The following PTCHD4 variants were observed in gnomAD, a reference collection of about 807,000 sequenced individuals.
PTCHD4 encodes the protein patched domain-containing protein 4.
PTCHD4 carries 33 observed loss-of-function variants against 58.1 expected under a neutral mutation model. That is an observed-to-expected ratio of 0.57 (90% CI 0.43 to 0.76). PTCHD4 has a LOEUF of 0.76. PTCHD4 is among the 30% of genes least tolerant of loss of function. PTCHD4 has a pLI of 0.00. For synonymous variants in PTCHD4, 478 were observed against 409.6 expected, an observed-to-expected ratio of 1.17 and a Z score of -2.02; for missense variants, 1,058 against 1,027.1, an observed-to-expected ratio of 1.03 and a Z score of -0.41.
chr6:48,058,543 G>T (rs1005996960), intron 3 of PTCHD4, among the ~76,000 whole-genome samples: 2 of 152,082 alleles, frequency 1.3e-5, no homozygotes, highest in Admixed American at 6.6e-5. Context: ...AATATTAAGA[G>T]AATGGATTCT....
At chr6:48,051,942 C>T (rs1219980035) in intron 3 of PTCHD4, among the ~76,000 whole-genome samples, 9 of 151,864 alleles carry the variant, frequency 5.9e-5, no homozygotes, top group Non-Finnish European at 1.3e-4. Context: ...TCAAGTTACC[C>T]GACTGTGCTG....
intron 3 of PTCHD4, among the ~76,000 whole-genome samples, chr6:48,058,127 T>C (rs1441163808): frequency 1.3e-5 from 2 of 152,260 alleles, no homozygotes; most frequent in South Asian, 2.1e-4. Context: ...TGAATCTCTC[T>C]AGATGGGATC....
chr6:47,981,762 T>C (rs1287429604), intron 4 of PTCHD4, among the ~76,000 whole-genome samples: 1 of 152,170 alleles, frequency 6.6e-6, no homozygotes, highest in Non-Finnish European at 1.5e-5. Context: ...CTCTATTCTG[T>C]GCATCTTCTC....
intron 1 of PTCHD4, among the ~76,000 whole-genome samples, chr6:48,096,790 T>G (rs1188547516): frequency 7.2e-5 from 11 of 152,106 alleles, no homozygotes; most frequent in East Asian, 1.9e-4. Context: ...AGAATTCTTT[T>G]GCATTGAAGT....
At chr6:48,088,964 G>A (rs1332230669) in intron 1 of PTCHD4, among the ~76,000 whole-genome samples, 2 of 152,114 alleles carry the variant, frequency 1.3e-5, no homozygotes, top group African/African-American at 2.4e-5. Flanking sequence ...AGAATCGCTT[G>A]AACCCAGGAG....
At chr6:48,020,960 G>A (rs902727157) in intron 3 of PTCHD4, among the ~76,000 whole-genome samples, 2 of 151,950 alleles carry the variant, frequency 1.3e-5, no homozygotes, top group African/African-American at 2.4e-5. Flanking sequence ...ATTTCACTTA[G>A]GCAATGGGAG....
At chr6:47,905,079 A>ACACACACACT (rs1163514067) in intron 4 of PTCHD4, among the ~76,000 whole-genome samples, 9 of 151,888 alleles carry the variant, frequency 5.9e-5, no homozygotes, top group Non-Finnish European at 1.3e-4. Context: ...ACACACACAC[A>ACACACACACT]CACACATAAA....
At chr6:47,955,317 T>C (rs1302231226) in intron 4 of PTCHD4, among the ~76,000 whole-genome samples, 3 of 152,182 alleles carry the variant, frequency 2.0e-5, no homozygotes, top group African/African-American at 7.2e-5. Flanking sequence ...GGAGATATCT[T>C]ATTTGGGCAG....
intron 4 of PTCHD4, among the ~76,000 whole-genome samples, chr6:47,938,077 C>T (rs534088237): frequency 4.6e-5 from 7 of 152,122 alleles, no homozygotes; most frequent in South Asian, 2.1e-4. Context: ...TGCGTGAACC[C>T]GGGAGGCAGA....
intron 4 of PTCHD4, among the ~76,000 whole-genome samples, chr6:47,996,167 G>C (rs1213278290): frequency 6.6e-6 from 1 of 152,032 alleles, no homozygotes; most frequent in Admixed American, 6.6e-5. Flanking sequence ...AAAGTGCATG[G>C]TCAGAATCAG....
intron 1 of PTCHD4, among the ~76,000 whole-genome samples, chr6:48,099,513 T>C (rs976460928): frequency 6.6e-6 from 1 of 152,194 alleles, no homozygotes; most frequent in African/African-American, 2.4e-5. Context: ...GCCTTTGAAA[T>C]GGAAATATAG....
At chr6:47,892,344 CTT>C (rs1433693923) in intron 4 of PTCHD4, among the ~76,000 whole-genome samples, 1 of 152,108 alleles carries the variant, frequency 6.6e-6, no homozygotes, top group Non-Finnish European at 1.5e-5. Flanking sequence ...TTATGACAAT[CTT>C]ATCATTTGTT....
At chr6:48,098,318 TTTCTTCTTCTTC>T (rs374977976) in intron 1 of PTCHD4, among the ~76,000 whole-genome samples, 43 of 142,654 alleles carry the variant, frequency 3.0e-4, no homozygotes, top group African/African-American at 1.0e-3. Context: ...TTTCTTTTCT[TTTCTTCTTCTTC>T]TTCTTCTTCT....
chr6:48,081,417 G>T (rs1765165014), intron 1 of PTCHD4, among the ~76,000 whole-genome samples: 1 of 152,110 alleles, frequency 6.6e-6, no homozygotes, highest in South Asian at 2.1e-4. Context: ...TCCATCTTCT[G>T]CCACCTTCTA....
At chr6:48,036,699 C>A (rs1052974354) in intron 3 of PTCHD4, among the ~76,000 whole-genome samples, 1 of 152,046 alleles carries the variant, frequency 6.6e-6, no homozygotes. Flanking sequence ...AAAAGGAACC[C>A]ACAAAGTGCT....
In PTCHD4 at chr6:47,879,422, A is replaced by G. The variant is rs141613683; in HGVS notation, c.1413T>C (p.Tyr471=). The change falls in exon 5 of 5, where the codon TAT becomes TAC. Residue 471 remains tyrosine, a synonymous_variant. Coordinates refer to ENST00000339488, the MANE Select transcript of PTCHD4 (RefSeq NM_001384253.1). ...AGCACCCCATGAAGGAGAAGGAGGC[A>G]TAAATGAGATAGAGGATGACAACAA... is the stretch of plus-strand genomic sequence containing the variant. ...KPFVVILYLI[Y]ASFSFMGCLQ... The G allele has an allele frequency of 8.7e-6, 14 of 1,613,582 alleles. No individual in the cohort carries two copies. In the African/African-American group the frequency reaches 1.5e-4, roughly 17 times the overall value.
rs1435870286 is a variant in PTCHD4 at position 47,957,088 on chromosome 6, C to T, written c.898+51546G>A. 3.3e-5 allele frequency among the ~76,000 whole-genome samples: 5 copies of T among 151,504 alleles called. No individual in the cohort carries two copies. The South Asian group carries it at 1.0e-3, about 32-fold the overall frequency. The stretch of plus-strand genomic sequence containing the variant: ...GCTGAGGCATGAGAATCACTTGAAC[C>T]CTGGAGGCGGAGGTTGCAGTAAGCC... On this transcript the variant is annotated intron_variant, in intron 4 of 4. Transcript: ENST00000339488.
Position 48,068,534 on chromosome 6 carries a change from T to C in PTCHD4, c.113A>G (p.His38Arg), listed in dbSNP as rs1293866906. 6.2e-7 allele frequency: 1 copy of C among 1,610,118 alleles called. No homozygotes were observed. Among genetic ancestry groups the C allele is most frequent in the Admixed American group, 1.7e-5 (1 of 59,796 alleles). ...CHRLGLCVSR[H>R]PVFFLTVPAV... is the part of the protein sequence containing the mutation. ...GGGCACGGTGAGGAAAAAGACCGGG[T>C]GCCGGCTCACGCACAAACCCAGCCT... The change falls in exon 3 of 5, where the codon CAC (histidine) becomes CGC (arginine). Residue 38 changes from histidine (H) to arginine (R), a missense_variant. Transcript: ENST00000339488. The surrounding 1 kb of genome is among the most constrained non-coding windows in gnomAD (Gnocchi z 4.2).
At chr6:48,074,809 A>T (rs573901465) in intron 1 of PTCHD4, among the ~76,000 whole-genome samples, 1 of 152,188 alleles carries the variant, frequency 6.6e-6, no homozygotes, top group South Asian at 2.1e-4. Context: ...GCTTCTGGAG[A>T]CTGCTTTCTA....
Sources: gnomAD v4.1 joint callset for allele counts (sites outside exome capture counted in the v4.1 genomes callset) on GRCh38, gnomAD v4.1.1 for gene constraint, Gnocchi (gnomAD v3.1) non-coding constraint, MANE v1.5 for transcripts, NCBI Gene and HGNC (gene_info 2026-07-23, HGNC 2026-07-21) for gene names.